The following ADGRL3 variants were observed in gnomAD, a reference collection of about 807,000 sequenced individuals.
The protein encoded by ADGRL3 is adhesion G protein-coupled receptor L3.
A neutral mutation model predicts 153.5 loss-of-function variants in ADGRL3; 62 were observed. The observed-to-expected ratio is 0.40, with a 90% confidence interval of 0.33 to 0.50. ADGRL3 has a LOEUF of 0.50. Ranked by LOEUF, ADGRL3 falls within the 20% of genes least tolerant of loss-of-function variation. The pLI is 0.47. For missense variants in ADGRL3, 1,641 were observed against 1,859.4 expected, an observed-to-expected ratio of 0.88 and a Z score of 2.16; for synonymous variants, 710 against 672.5, an observed-to-expected ratio of 1.06 and a Z score of -0.86.
chr4:61,825,351 T>C (rs2097790977), intron 9 of ADGRL3, among the ~76,000 whole-genome samples: 1 of 152,196 alleles, frequency 6.6e-6, no homozygotes, highest in Admixed American at 6.5e-5. Flanking sequence ...GAAAATGCTT[T>C]ATAACCTAAA....
Position 61,619,237 on chromosome 4 carries a change from C to T in ADGRL3, c.473+31797C>T, listed in dbSNP as rs536468481. Among the ~76,000 whole-genome samples the T allele has an allele frequency of 8.0e-4, 122 of 152,254 alleles. No homozygotes were observed. The South Asian group carries it at 8.1e-3, about 10-fold the overall frequency. On this transcript the variant is annotated intron_variant, in intron 5 of 26. Coordinates refer to ENST00000683033, the MANE Select transcript of ADGRL3 (RefSeq NM_001387552.1). Reference sequence around the variant, plus strand: ...ATCTACCAGTTGTGCATAGACCGTACAAAGTTTTATCATGAGTATGTCAGC... The same window carrying T: ...ATCTACCAGTTGTGCATAGACCGTATAAAGTTTTATCATGAGTATGTCAGC...
intron 7 of ADGRL3, among the ~76,000 whole-genome samples, chr4:61,731,284 T>C (rs2096437219): frequency 6.6e-6 from 1 of 152,062 alleles, no homozygotes; most frequent in Non-Finnish European, 1.5e-5. Context: ...ACTTTTCTTT[T>C]TGATAATCTC....
intron 5 of ADGRL3, among the ~76,000 whole-genome samples, chr4:61,671,180 G>A (rs138200158): frequency 6.6e-6 from 1 of 152,228 alleles, no homozygotes; most frequent in Non-Finnish European, 1.5e-5. Flanking sequence ...TGTAAATCCA[G>A]CAATATCATT....
chr4:61,782,706 A>T (rs549993541), intron 8 of ADGRL3, among the ~76,000 whole-genome samples: 24 of 152,304 alleles, frequency 1.6e-4, no homozygotes, highest in African/African-American at 5.8e-4. Context: ...AACAATAAAT[A>T]AATAAATAAG....
intron 1 of ADGRL3, among the ~76,000 whole-genome samples, chr4:61,303,875 A>G (rs953908746): frequency 2.0e-5 from 3 of 152,224 alleles, no homozygotes; most frequent in Admixed American, 2.0e-4. Context: ...CTGACAGAAA[A>G]ATGAAGCTGT....
chr4:62,020,813 G>T (rs1283489605), intron 21 of ADGRL3, among the ~76,000 whole-genome samples: 2 of 151,916 alleles, frequency 1.3e-5, no homozygotes, highest in East Asian at 3.9e-4. Context: ...CATCACTAAG[G>T]ATATAATATG....
chr4:61,659,941 G>A (rs1290121293), intron 5 of ADGRL3, among the ~76,000 whole-genome samples: 1 of 149,838 alleles, frequency 6.7e-6, no homozygotes, highest in Non-Finnish European at 1.5e-5. Context: ...GGTTAAGAAG[G>A]GATACACCAG....
At chr4:61,252,970 A>G (rs898554239) in intron 1 of ADGRL3, among the ~76,000 whole-genome samples, 3 of 152,132 alleles carry the variant, frequency 2.0e-5, no homozygotes, top group African/African-American at 7.2e-5. Context: ...AGGTGAGGAC[A>G]CTGAGGTTAA....
At chr4:61,699,523 T>C (rs1156875486) in intron 6 of ADGRL3, among the ~76,000 whole-genome samples, 1 of 152,078 alleles carries the variant, frequency 6.6e-6, no homozygotes, top group Non-Finnish European at 1.5e-5. Flanking sequence ...TAAAGGATTA[T>C]GGATTGTTGC....
intron 4 of ADGRL3, among the ~76,000 whole-genome samples, chr4:61,564,194 C>T (rs180753168): frequency 4.6e-5 from 7 of 151,926 alleles, no homozygotes; most frequent in African/African-American, 9.7e-5. Context: ...TTATCCAGAC[C>T]GTTGAAACTT....
At chr4:61,218,272 T>C (rs1743776584) in intron 1 of ADGRL3, among the ~76,000 whole-genome samples, 1 of 151,838 alleles carries the variant, frequency 6.6e-6, no homozygotes. Flanking sequence ...TTTAGAATCA[T>C]TAATCGTTTT....
In ADGRL3 at chr4:61,283,596, C is replaced by T. The variant is rs370456851; in HGVS notation, c.-240+81831C>T. ...ACACCACTCTCCTCATTTGCAACTTCATTTCAGAAATGGTACAGATTGTTT... is the reference window on the plus strand; with the variant it reads ...ACACCACTCTCCTCATTTGCAACTTTATTTCAGAAATGGTACAGATTGTTT... On this transcript the variant is annotated intron_variant, in intron 1 of 26. Coordinates refer to ENST00000683033, the MANE Select transcript of ADGRL3 (RefSeq NM_001387552.1). Among the ~76,000 whole-genome samples, 80 of 152,134 alleles carry T rather than the reference C, an allele frequency of 5.3e-4. 1 individual carries two copies. The South Asian group carries it at 0.016, about 31-fold the overall frequency.
At chr4:61,709,604 G>A (rs183175469) in intron 6 of ADGRL3, among the ~76,000 whole-genome samples, 2 of 152,254 alleles carry the variant, frequency 1.3e-5, no homozygotes, top group Non-Finnish European at 2.9e-5. Context: ...CTGTTACATA[G>A]GCAAGCATTG....
At chr4:61,329,103 C>T (rs181372539) in intron 1 of ADGRL3, among the ~76,000 whole-genome samples, 9 of 152,242 alleles carry the variant, frequency 5.9e-5, no homozygotes, top group African/African-American at 2.2e-4. Context: ...CTGGTGTTTA[C>T]TGATTTTCTC....
intron 6 of ADGRL3, among the ~76,000 whole-genome samples, chr4:61,691,912 A>T (rs981081854): frequency 9.9e-5 from 15 of 152,112 alleles, no homozygotes; most frequent in African/African-American, 2.4e-5. Flanking sequence ...TTTTTGATGC[A>T]AATTAATCAT....
At chr4:62,006,032 A>ATATATATATATATATT (rs1203029363) in intron 21 of ADGRL3, among the ~76,000 whole-genome samples, 3 of 73,090 alleles carry the variant, frequency 4.1e-5, no homozygotes, top group African/African-American at 1.5e-4. Context: ...ATATATATAT[A>ATATATATATATATATT]TTTTTTTTTT....
chr4:61,892,779 C>T lies in ADGRL3; in HGVS notation c.1604C>T (p.Thr535Ile). The T allele has an allele frequency of 1.9e-6, 3 of 1,613,920 alleles. No individual in the cohort carries two copies. The highest frequency in any genetic ancestry group is 1.1e-5 in the South Asian group (1 of 91,074). ...GTGTCAGGAAGAAGAAACCGGAGTACTAGTACCCCATCTCCAGCTGTCGAG... is the reference window on the plus strand; with the variant it reads ...GTGTCAGGAAGAAGAAACCGGAGTATTAGTACCCCATCTCCAGCTGTCGAG... The part of the protein sequence containing the change: ...PSVSGRRNRS[T>I]STPSPAVEVL... The change falls in exon 10 of 27, where the codon ACT becomes ATT. Residue 535 changes from threonine to isoleucine, a missense_variant. Thr to Ile is a moderately conservative substitution (Grantham distance 89). This residue lies in a region of ADGRL3 where 734 missense variants were observed against 797.0 expected (regional missense o/e 0.92). Transcript: ENST00000683033.
In ADGRL3 at chr4:61,325,862, A is replaced by T. The variant is rs116743056; in HGVS notation, c.-239-57262A>T. Among the ~76,000 whole-genome samples the T allele has an allele frequency of 5.9e-3, 905 of 152,314 alleles. 8 individuals are homozygous for T. The highest frequency in any genetic ancestry group is 0.021 in the African/African-American group (860 of 41,576). ...GAGAGTCATTAAGTGAATAAAAGTC[A>T]TGATTACTAACATATTGAAGAGAAT... On this transcript the variant is annotated intron_variant, in intron 1 of 26. Coordinates refer to ENST00000683033, the MANE Select transcript of ADGRL3 (RefSeq NM_001387552.1).
chr4:61,707,798 C>T (rs979826810), intron 6 of ADGRL3, among the ~76,000 whole-genome samples: 7 of 152,030 alleles, frequency 4.6e-5, no homozygotes, highest in African/African-American at 1.2e-4. Context: ...TATGTAAGAC[C>T]ATCTACTGTT....
Sources: gnomAD v4.1 joint callset for allele counts (sites outside exome capture counted in the v4.1 genomes callset) on GRCh38, gnomAD v4.1.1 for gene constraint, gnomAD v4.1.1 regional missense constraint, MANE v1.5 for transcripts, NCBI Gene and HGNC (gene_info 2026-07-23, HGNC 2026-07-21) for gene names.